CDH13: variants seen among roughly 807,000 people sequenced by gnomAD.
CDH13 encodes the protein cadherin 13.
A neutral mutation model predicts 63.8 loss-of-function variants in CDH13; 24 were observed. The observed-to-expected ratio is 0.38, with a 90% confidence interval of 0.27 to 0.53. The LOEUF is 0.53. Ranked by LOEUF, CDH13 falls within the 20% of genes least tolerant of loss-of-function variation. The pLI, the probability that CDH13 is intolerant of heterozygous loss-of-function variation, is 0.85. For synonymous variants in CDH13, 503 were observed against 355.3 expected (o/e 1.42, Z -4.67); for missense variants, 1,049 against 903.1 (o/e 1.16, Z -2.07).
intron 5 of CDH13, among the ~76,000 whole-genome samples, chr16:83,289,630 G>A (rs2089416877): frequency 6.6e-6 from 1 of 152,040 alleles, no homozygotes; most frequent in Non-Finnish European, 1.5e-5. Flanking sequence ...GGACATCTAA[G>A]GGCACATTCA....
At chr16:83,463,571 C>T (rs1019823393) in intron 6 of CDH13, among the ~76,000 whole-genome samples, 1 of 152,150 alleles carries the variant, frequency 6.6e-6, no homozygotes, top group Admixed American at 6.5e-5. Flanking sequence ...CAGGCCACAG[C>T]AGGAGGTTCA....
At chr16:83,672,822 C>T (rs577192732) in intron 9 of CDH13, among the ~76,000 whole-genome samples, 1 of 152,212 alleles carries the variant, frequency 6.6e-6, no homozygotes, top group East Asian at 1.9e-4. Flanking sequence ...GTCTATTTAC[C>T]CAAGTTTTAT....
At chr16:83,233,959 A>C (rs564855283) in intron 5 of CDH13, among the ~76,000 whole-genome samples, 9 of 152,200 alleles carry the variant, frequency 5.9e-5, no homozygotes, top group Admixed American at 1.3e-4. Context: ...CACAGTGCTA[A>C]GTGATGGATG....
intron 5 of CDH13, among the ~76,000 whole-genome samples, chr16:83,307,608 A>G (rs1328677524): frequency 2.0e-5 from 3 of 152,244 alleles, no homozygotes; most frequent in Non-Finnish European, 4.4e-5. Flanking sequence ...ATGTTTGGTT[A>G]CAAAGTAAAA....
intron 1 of CDH13, among the ~76,000 whole-genome samples, chr16:82,757,528 C>T (rs1013688036): frequency 1.3e-5 from 2 of 152,174 alleles, no homozygotes; most frequent in African/African-American, 2.4e-5. Context: ...AGAGGGCTTC[C>T]GGAACACCTT....
chr16:82,875,254 T>A (rs757370567), intron 2 of CDH13, among the ~76,000 whole-genome samples: 10 of 152,234 alleles, frequency 6.6e-5, no homozygotes, highest in Non-Finnish European at 1.3e-4. Flanking sequence ...GACATTTTAG[T>A]GATAGGTATA....
chr16:83,470,937 G>T (rs1217035917), intron 6 of CDH13, among the ~76,000 whole-genome samples: 4 of 152,168 alleles, frequency 2.6e-5, no homozygotes, highest in Admixed American at 6.5e-5. Flanking sequence ...GGCTCCAGGG[G>T]AGAATCCACT....
intron 3 of CDH13, among the ~76,000 whole-genome samples, chr16:83,122,718 A>G (rs2035638628): frequency 6.6e-6 from 1 of 152,142 alleles, no homozygotes; most frequent in African/African-American, 2.4e-5. Context: ...ACTCTTAACA[A>G]AGTATAACCA....
intron 5 of CDH13, among the ~76,000 whole-genome samples, chr16:83,273,016 G>A (rs1012108187): frequency 6.6e-6 from 1 of 152,120 alleles, no homozygotes; most frequent in Non-Finnish European, 1.5e-5. Context: ...ACTGGTGCCT[G>A]TGGCTGGTGC....
At chr16:83,392,160 T>C (rs1242916924) in intron 6 of CDH13, among the ~76,000 whole-genome samples, 1 of 152,146 alleles carries the variant, frequency 6.6e-6, no homozygotes. Flanking sequence ...ATGACTTCGG[T>C]AGCCTGAATT....
chr16:83,560,085 C>G (rs1392182043), intron 7 of CDH13, among the ~76,000 whole-genome samples: 1 of 152,090 alleles, frequency 6.6e-6, no homozygotes, highest in African/African-American at 2.4e-5. Flanking sequence ...CCCAGTGTCT[C>G]CTTAATTCTT....
intron 4 of CDH13, among the ~76,000 whole-genome samples, chr16:83,197,119 A>T (rs570464423): frequency 6.6e-6 from 1 of 152,330 alleles, no homozygotes; most frequent in South Asian, 2.1e-4. Flanking sequence ...AAATGAATGA[A>T]TTATTGATAC....
At chr16:82,932,359 T>C (rs1040254840) in intron 2 of CDH13, among the ~76,000 whole-genome samples, 7 of 152,226 alleles carry the variant, frequency 4.6e-5, no homozygotes, top group Non-Finnish European at 7.3e-5. Flanking sequence ...ATTTTTGTAA[T>C]GTTTAGCTTT....
chr16:83,340,666 C>T (rs2090701655), intron 5 of CDH13, among the ~76,000 whole-genome samples: 1 of 152,164 alleles, frequency 6.6e-6, no homozygotes, highest in African/African-American at 2.4e-5. Context: ...CATTTCTAAC[C>T]AGCTCCTGGG....
intron 6 of CDH13, among the ~76,000 whole-genome samples, chr16:83,364,464 C>T (rs918703664): frequency 6.6e-6 from 1 of 152,144 alleles, no homozygotes; most frequent in Non-Finnish European, 1.5e-5. Flanking sequence ...GGACCTGAAC[C>T]TAGTACACAG....
intron 6 of CDH13, among the ~76,000 whole-genome samples, chr16:83,432,983 ATTAC>A (rs1781995251): frequency 6.6e-6 from 1 of 152,176 alleles, no homozygotes; most frequent in African/African-American, 2.4e-5. Flanking sequence ...GCTAAGGAGT[ATTAC>A]TTATCCATGC....
intron 11 of CDH13, among the ~76,000 whole-genome samples, chr16:83,764,307 G>A (rs1242026548): frequency 6.6e-6 from 1 of 152,182 alleles, no homozygotes; most frequent in East Asian, 1.9e-4. Context: ...GGTGTCCTTG[G>A]ACGTTGGCAT....
At chr16:82,933,973 C>G (rs1372377822) in intron 2 of CDH13, among the ~76,000 whole-genome samples, 1 of 152,190 alleles carries the variant, frequency 6.6e-6, no homozygotes, top group Admixed American at 6.5e-5. Context: ...GCGTCTATGA[C>G]TTTTCCAGGT....
chr16:83,571,567 A>T (rs1262370229), intron 7 of CDH13, among the ~76,000 whole-genome samples: 11 of 152,154 alleles, frequency 7.2e-5, no homozygotes, highest in Admixed American at 7.2e-4. Context: ...AATGGTGACC[A>T]TACACTTTTA....
Sources: allele counts gnomAD v4.1 joint callset (sites outside exome capture counted in the v4.1 genomes callset), GRCh38; gene constraint gnomAD v4.1.1; transcripts MANE v1.5; gene names NCBI Gene and HGNC (gene_info 2026-07-23, HGNC 2026-07-21).